NDC80: variants seen among roughly 807,000 people sequenced by gnomAD.
The protein encoded by NDC80 is kinetochore protein NDC80 homolog.
NDC80 carries 69 observed loss-of-function variants against 89.3 expected under a neutral mutation model. That is an observed-to-expected ratio of 0.77 (90% CI 0.64 to 0.94). The LOEUF is 0.94. Ranked by LOEUF, NDC80 falls within the 40% of genes least tolerant of loss-of-function variation. The pLI is 0.00. For synonymous variants in NDC80, 243 were observed against 255.6 expected (o/e 0.95, Z 0.47); for missense variants, 593 against 739.6 (o/e 0.80, Z 2.30).
chr18:2,603,988 G>C (rs770767800), intron 13 of NDC80, among the ~76,000 whole-genome samples: 1 of 152,130 alleles, frequency 6.6e-6, no homozygotes, highest in Non-Finnish European at 1.5e-5. Flanking sequence ...ACAAAAAGAA[G>C]AAATTAAGCT....
chr18:2,608,788 G>A lies in NDC80; in HGVS notation c.1646G>A (p.Gly549Glu), dbSNP rs746503971. 2 of 1,612,630 alleles carry A rather than the reference G, an allele frequency of 1.2e-6. No individual in the cohort carries two copies. Among genetic ancestry groups the A allele is most frequent in the Non-Finnish European group, 1.7e-6 (2 of 1,178,960 alleles). The part of the protein sequence containing the change: ...KHLLESTVNQ[G>E]LSEAMNELDA... ...CTGCTAGAAAGTACTGTTAACCAGG[G>A]GCTCAGTGAAGCTATGAATGAATTA... is the stretch of plus-strand genomic sequence containing the variant. The change falls in exon 15 of 17, where the codon GGG (glycine) becomes GAG (glutamate). Residue 549 changes from glycine to glutamate, a missense_variant. Physicochemically the swap from Gly to Glu is moderately conservative, Grantham distance 98 (BLOSUM62 -2). Transcript: ENST00000261597.
intron 13 of NDC80, among the ~76,000 whole-genome samples, chr18:2,602,456 G>A (rs1208722405): frequency 1.3e-5 from 2 of 152,096 alleles, no homozygotes; most frequent in Non-Finnish European, 1.5e-5. Flanking sequence ...ATGGAGAAAA[G>A]ATGAGGAATT....
At chr18:2,603,348 T>TG (rs1383518266) in intron 13 of NDC80, among the ~76,000 whole-genome samples, 5 of 122,268 alleles carry the variant, frequency 4.1e-5, no homozygotes, top group African/African-American at 1.7e-4. Flanking sequence ...GAAGAGAATA[T>TG]GTTTATACAT....
intron 1 of NDC80, 144 bp from the exon 2 acceptor site, chr18:2,572,833 C>A: frequency 1.6e-6 from 1 of 624,070 alleles, no homozygotes; most frequent in Non-Finnish European, 2.8e-6. Context: ...TGTACATGAA[C>A]AAAAAAGAGA....
Position 2,583,563 on chromosome 18 carries a change from G to T in NDC80, c.580-1550G>T, listed in dbSNP as rs117708015. On this transcript the variant is annotated intron_variant, in intron 6 of 16. Transcript: ENST00000261597. ...TAAAAATGCAAAAATTAGGCATAGT[G>T]ACAGGTACCTGTAATCCCAGCTACT... 0.013 allele frequency among the ~76,000 whole-genome samples: 1,933 copies of T among 152,016 alleles called. 77 individuals are homozygous for T. In the East Asian group the frequency reaches 0.14, roughly 11 times the overall value.
At position 2,610,829 on chromosome 18, in the gene NDC80, G is replaced by C; in HGVS notation, c.1759G>C (p.Glu587Gln). ...GGGAAATAACTTGCAACGTCTGTTA[G>C]AGATGGTTGCTACACATGTTGGGTC... ...KVGNNLQRLL[E>Q]MVATHVGSVE... Residue 587 changes from glutamate (E) to glutamine (Q), a missense_variant, in exon 16 of 17, where the codon GAG becomes CAG. Transcript: ENST00000261597. The C allele has an allele frequency of 6.3e-7, 1 of 1,589,466 alleles. No homozygotes were observed. Among genetic ancestry groups the C allele is most frequent in the South Asian group, 1.1e-5 (1 of 88,298 alleles).
In NDC80 at chr18:2,606,496, CA is replaced by C. The variant is rs1468796048; in HGVS notation, c.1552del (p.Ile518LeufsTer25). ...EVQKLDDLYQQKIKEAEEEDE... is the reference protein window; with the variant it reads ...EVQKLDDLYQXKIKEAEEEDE... Reference sequence around the variant, plus strand: ...TCAAAAGCTGGATGATCTTTACCAACAAAAAATTAAGGTAAGAACTTTGCCA... The same window carrying C: ...TCAAAAGCTGGATGATCTTTACCAACAAAAATTAAGGTAAGAACTTTGCCA... On this transcript the variant is annotated frameshift_variant, in exon 14 of 17. Transcript: ENST00000261597. LOFTEE classifies it high-confidence loss of function. 3 of 1,598,712 alleles carry C rather than the reference CA, an allele frequency of 1.9e-6. No individual in the cohort carries two copies. Among genetic ancestry groups the C allele is most frequent in the Non-Finnish European group, 2.6e-6 (3 of 1,171,964 alleles).
chr18:2,608,407 C>T (rs960575411), intron 14 of NDC80, among the ~76,000 whole-genome samples: 46 of 151,862 alleles, frequency 3.0e-4, no homozygotes, highest in African/African-American at 1.1e-3. Context: ...GGTTTCACCT[C>T]GCTGGCCAGG....
At chr18:2,608,112 T>A (rs956118079) in intron 14 of NDC80, among the ~76,000 whole-genome samples, 5 of 148,382 alleles carry the variant, frequency 3.4e-5, no homozygotes, top group Non-Finnish European at 7.4e-5. Context: ...TTCCCTTTGA[T>A]AAATTTCTGA....
intron 10 of NDC80, among the ~76,000 whole-genome samples, chr18:2,591,755 CTTTT>C (rs56126967): frequency 1.5e-5 from 2 of 136,366 alleles, no homozygotes; most frequent in Admixed American, 7.6e-5. Flanking sequence ...TTAATCAATA[CTTTT>C]TTTTTTTTTT....
At chr18:2,597,768 A>G (rs2072664792) in intron 11 of NDC80, among the ~76,000 whole-genome samples, 2 of 152,196 alleles carry the variant, frequency 1.3e-5, no homozygotes. Flanking sequence ...TAAGGATTCA[A>G]AGAAGTAGGT....
rs755706851 is a variant in NDC80, at chr18:2,595,404, T to C, written c.1016-12T>C. On this transcript the variant is annotated splice_polypyrimidine_tract_variant and intron_variant, in intron 10 of 16. Transcript: ENST00000261597. The stretch of plus-strand genomic sequence containing the variant: ...GAAGATACATTAAAAATTTGGTTTT[T>C]TTCCAACACAGAACTAGAATGTGAA... The C allele has an allele frequency of 4.4e-6, 7 of 1,607,210 alleles. No individual in the cohort carries two copies. The African/African-American group carries it at 6.7e-5, about 15-fold the overall frequency.
intron 13 of NDC80, among the ~76,000 whole-genome samples, chr18:2,604,927 C>T (rs1442810150): frequency 2.0e-5 from 3 of 152,024 alleles, no homozygotes; most frequent in Non-Finnish European, 2.9e-5. Flanking sequence ...GTGCATGAGA[C>T]GAGACCATGC....
chr18:2,603,378 T>TATATATATATATATATATATACAC, intron 13 of NDC80, among the ~76,000 whole-genome samples: 1 of 143,512 alleles, frequency 7.0e-6, no homozygotes, highest in South Asian at 2.2e-4. Context: ...TATATATATA[T>TATATATATATATATATATATACAC]ACACCTATGT....
intron 16 of NDC80, chr18:2,614,467 G>T (rs2072762753): frequency 1.3e-4 from 1 of 7,776 alleles, no homozygotes; most frequent in African/African-American, 5.3e-4. Context: ...AAGAAAGAAA[G>T]AAAGAAAGAA....
At chr18:2,615,740 C>T (rs930307517) in intron 16 of NDC80, among the ~76,000 whole-genome samples, 1 of 152,148 alleles carries the variant, frequency 6.6e-6, no homozygotes, top group Non-Finnish European at 1.5e-5. Context: ...GAATACTATG[C>T]AGTACATTGA....
intron 6 of NDC80, among the ~76,000 whole-genome samples, chr18:2,581,044 A>G (rs2072575553): frequency 6.6e-6 from 1 of 151,708 alleles, no homozygotes; most frequent in Admixed American, 6.6e-5. Context: ...CCGGCCCTCC[A>G]AGCCCATTAT....
chr18:2,599,558 A>G (rs1033087885), intron 12 of NDC80, among the ~76,000 whole-genome samples: 3 of 152,340 alleles, frequency 2.0e-5, no homozygotes, highest in African/African-American at 7.2e-5. Context: ...ATCTTGAAAG[A>G]TGAGACATAT....
rs568224798 is a variant in NDC80 at position 2,577,893 on chromosome 18, C to G, written c.303+24C>G. ...AGGTACTTTAGGATTTTAATCTAAA[C>G]TGTGATTGTTGTCATAGGTATTTTC... On this transcript the variant is annotated intron_variant, in intron 4 of 16. Transcript: ENST00000261597. 12 of 1,611,754 alleles carry G rather than the reference C, an allele frequency of 7.4e-6. No homozygotes were observed. In the South Asian group the frequency reaches 1.2e-4, roughly 16 times the overall value.
Sources: gnomAD v4.1 joint callset for allele counts (sites outside exome capture counted in the v4.1 genomes callset) on GRCh38, gnomAD v4.1.1 for gene constraint, MANE v1.5 for transcripts, NCBI Gene and HGNC (gene_info 2026-07-23, HGNC 2026-07-21) for gene names.